The following CDH2 variants were observed in gnomAD, a reference collection of about 807,000 sequenced individuals.
The protein encoded by CDH2 is cadherin-2.
In CDH2, 17 loss-of-function variants were observed where a neutral mutation model predicts 92.0. That is an observed-to-expected ratio of 0.18 (90% CI 0.13 to 0.28). The LOEUF is 0.28. Among genes scored for constraint, CDH2 ranks in the 10% least tolerant of loss-of-function variants. The pLI, the probability that CDH2 is intolerant of heterozygous loss-of-function variation, is 1.00. For missense variants in CDH2, 862 were observed against 1,133.1 expected (o/e 0.76, Z 3.44); for synonymous variants, 419 against 415.9 (o/e 1.01, Z -0.09).
chr18:28,035,270 G>A (rs2013798330), intron 2 of CDH2, among the ~76,000 whole-genome samples: 2 of 151,988 alleles, frequency 1.3e-5, no homozygotes, highest in Admixed American at 1.3e-4. Context: ...GGTTTCTAAT[G>A]AGCAGCATTC....
intron 2 of CDH2, among the ~76,000 whole-genome samples, chr18:28,106,688 C>A (rs986083985): frequency 2.6e-5 from 4 of 152,148 alleles, no homozygotes; most frequent in Admixed American, 6.5e-5. Flanking sequence ...TCTGTCTTAA[C>A]TATTCTTTAA....
At chr18:27,981,526 C>A (rs554734356) in intron 14 of CDH2, among the ~76,000 whole-genome samples, 53 of 152,224 alleles carry the variant, frequency 3.5e-4, no homozygotes, top group Admixed American at 2.3e-3. Context: ...AAGCATGGAA[C>A]CTGGAATCAG....
chr18:28,100,327 C>T (rs2015206884), intron 2 of CDH2, among the ~76,000 whole-genome samples: 1 of 152,214 alleles, frequency 6.6e-6, no homozygotes, highest in African/African-American at 2.4e-5. Flanking sequence ...TAAGAGAGAA[C>T]TCCTACCTGA....
intron 2 of CDH2, among the ~76,000 whole-genome samples, chr18:28,109,985 C>G (rs1225898402): frequency 6.6e-6 from 1 of 152,126 alleles, no homozygotes; most frequent in African/African-American, 2.4e-5. Context: ...GAGAAAATCA[C>G]TTTTGACAGA....
At chr18:28,002,264 G>C (rs1265669474) in intron 7 of CDH2, among the ~76,000 whole-genome samples, 1 of 152,132 alleles carries the variant, frequency 6.6e-6, no homozygotes, top group African/African-American at 2.4e-5. Context: ...AAAAACACAG[G>C]GGTATGTAGG....
intron 2 of CDH2, among the ~76,000 whole-genome samples, chr18:28,103,568 G>A (rs987292379): frequency 2.6e-5 from 4 of 151,262 alleles, no homozygotes; most frequent in South Asian, 2.1e-4. Context: ...TTGTTACATA[G>A]GTATACACAT....
At chr18:27,985,338 G>A in intron 12 of CDH2, 105 bp from the exon 13 acceptor site, 1 of 804,154 alleles carries the variant, frequency 1.2e-6, no homozygotes. Flanking sequence ...TACACATAAA[G>A]CGGATTACAA....
At chr18:28,066,150 T>C (rs1418756786) in intron 2 of CDH2, among the ~76,000 whole-genome samples, 1 of 152,170 alleles carries the variant, frequency 6.6e-6, no homozygotes, top group African/African-American at 2.4e-5. Flanking sequence ...GTACAAAACA[T>C]GCATCTGAAA....
intron 13 of CDH2, among the ~76,000 whole-genome samples, chr18:27,983,580 A>G (rs542577362): frequency 3.3e-5 from 5 of 152,318 alleles, no homozygotes; most frequent in African/African-American, 1.2e-4. Context: ...GTAAATTGGA[A>G]CTAAGTCAGG....
At chr18:28,111,293 T>C (rs775298090) in intron 2 of CDH2, among the ~76,000 whole-genome samples, 14 of 152,230 alleles carry the variant, frequency 9.2e-5, no homozygotes, top group Non-Finnish European at 1.8e-4. Flanking sequence ...TTTCGAGGCA[T>C]GGGTGTAGCA....
intron 2 of CDH2, among the ~76,000 whole-genome samples, chr18:28,129,267 C>G (rs1044439344): frequency 1.3e-5 from 2 of 152,234 alleles, no homozygotes; most frequent in African/African-American, 4.8e-5. Flanking sequence ...TTCCATCATT[C>G]TGGTATTTTT....
intron 14 of CDH2, among the ~76,000 whole-genome samples, chr18:27,976,144 G>A (rs1296105253): frequency 6.6e-6 from 1 of 152,138 alleles, no homozygotes; most frequent in African/African-American, 2.4e-5. Context: ...TTGGGCCATA[G>A]GTTCCAGGCG....
At chr18:28,012,350 C>G (rs2013125213) in intron 3 of CDH2, among the ~76,000 whole-genome samples, 1 of 152,166 alleles carries the variant, frequency 6.6e-6, no homozygotes, top group African/African-American at 2.4e-5. Context: ...TAATGTGCTA[C>G]TGTACATTAA....
intron 2 of CDH2, among the ~76,000 whole-genome samples, chr18:28,050,429 A>G (rs2014167972): frequency 6.6e-6 from 1 of 152,162 alleles, no homozygotes; most frequent in African/African-American, 2.4e-5. Context: ...CTCAGGCACT[A>G]GAGCAGTCAC....
chr18:28,153,822 T>C (rs2016164481), intron 1 of CDH2, among the ~76,000 whole-genome samples: 1 of 152,188 alleles, frequency 6.6e-6, no homozygotes, highest in Non-Finnish European at 1.5e-5. Context: ...CTATTTGTCA[T>C]CACAGTACTA....
At position 28,037,526 on chromosome 18, in the gene CDH2, A is replaced by G. The variant is rs145440516; in HGVS notation, c.173-23617T>C. ...AAACTTACAGAAATACTTTGAGACA[A>G]TGCTGAACCTTAGGATTCTGAGAGG... On this transcript the variant is annotated intron_variant, in intron 2 of 15. Transcript: ENST00000269141. Among the ~76,000 whole-genome samples, 323 of 152,318 alleles carry G rather than the reference A, an allele frequency of 2.1e-3. 2 individuals are homozygous for G. Among genetic ancestry groups the G allele is most frequent in the African/African-American group, 7.3e-3 (305 of 41,582 alleles).
At chr18:28,142,457 C>A (rs2015969602) in intron 2 of CDH2, among the ~76,000 whole-genome samples, 2 of 149,488 alleles carry the variant, frequency 1.3e-5, no homozygotes, top group African/African-American at 2.5e-5. Flanking sequence ...TTAAATAAGC[C>A]TAAATGATTG....
At chr18:28,127,660 G>A (rs985916723) in intron 2 of CDH2, among the ~76,000 whole-genome samples, 2 of 152,062 alleles carry the variant, frequency 1.3e-5, no homozygotes, top group Non-Finnish European at 2.9e-5. Context: ...AAATACTTAT[G>A]AATACAACTA....
chr18:28,163,570 A>G (rs757764227), intron 1 of CDH2, among the ~76,000 whole-genome samples: 3 of 152,252 alleles, frequency 2.0e-5, no homozygotes, highest in Non-Finnish European at 4.4e-5. Context: ...GGCATGCATA[A>G]GAATGCTGAC....
Sources: gnomAD v4.1 joint callset for allele counts (sites outside exome capture counted in the v4.1 genomes callset) on GRCh38, gnomAD v4.1.1 for gene constraint, MANE v1.5 for transcripts, NCBI Gene and HGNC (gene_info 2026-07-23, HGNC 2026-07-21) for gene names.